MNAT1: variants seen among roughly 807,000 people sequenced by gnomAD.
MNAT1 encodes CDK-activating kinase assembly factor MAT1.
Under a neutral mutation model 42.0 loss-of-function variants are expected in MNAT1, and 43 were observed. The ratio of observed to expected loss-of-function variants is 1.02; its 90% CI spans 0.80 to 1.32. The LOEUF is 1.32. MNAT1 is among the 40% of genes most tolerant of loss of function. MNAT1 has a pLI of 0.00. For synonymous variants in MNAT1, 118 were observed against 120.0 expected (o/e 0.98, Z 0.11); for missense variants, 306 against 350.4 (o/e 0.87, Z 1.01).
intron 6 of MNAT1, among the ~76,000 whole-genome samples, chr14:60,851,798 G>A (rs1054643397): frequency 2.0e-5 from 3 of 152,088 alleles, no homozygotes; most frequent in South Asian, 2.1e-4. Flanking sequence ...GAGAACATGC[G>A]GTGATTGGTT....
chr14:60,851,166 T>G (rs1470067394), intron 6 of MNAT1, among the ~76,000 whole-genome samples: 1 of 152,162 alleles, frequency 6.6e-6, no homozygotes, highest in Non-Finnish European at 1.5e-5. Context: ...TAAACAAGAA[T>G]GTAAAGTAAG....
intron 1 of MNAT1, among the ~76,000 whole-genome samples, chr14:60,736,535 G>A (rs1015493651): frequency 6.6e-6 from 1 of 152,138 alleles, no homozygotes; most frequent in African/African-American, 2.4e-5. Flanking sequence ...TTCTGGTGTT[G>A]CATTTAATGT....
Position 60,893,033 on chromosome 14 carries a change from A to AT in MNAT1, c.809+13205dup, listed in dbSNP as rs559560533. On this transcript the variant is annotated intron_variant, in intron 7 of 7. Transcript: ENST00000261245. ...AGTAATAATACTGGCTTTTAGACTA[A>AT]TTTTTTTAAAAAAGATATTAGTCTC... Among the ~76,000 whole-genome samples the AT allele has an allele frequency of 5.4e-4, 82 of 152,144 alleles. 3 individuals are homozygous for AT. In the South Asian group the frequency reaches 0.017, roughly 31 times the overall value.
chr14:60,943,028 GT>G, intron 7 of MNAT1, among the ~76,000 whole-genome samples: 1 of 131,526 alleles, frequency 7.6e-6, no homozygotes, highest in African/African-American at 2.9e-5. Context: ...GTGTGTGTGT[GT>G]GTGTGTGTGT....
At chr14:60,803,083 C>CT (rs1346187094) in intron 3 of MNAT1, among the ~76,000 whole-genome samples, 2 of 151,920 alleles carry the variant, frequency 1.3e-5, no homozygotes, top group Non-Finnish European at 2.9e-5. Context: ...AGGCGCCCAC[C>CT]ACCATGCCTG....
At chr14:60,849,178 A>G (rs2033757481) in intron 6 of MNAT1, among the ~76,000 whole-genome samples, 1 of 152,174 alleles carries the variant, frequency 6.6e-6, no homozygotes, top group African/African-American at 2.4e-5. Flanking sequence ...CACATTTGAG[A>G]ATCACTGACT....
intron 6 of MNAT1, among the ~76,000 whole-genome samples, chr14:60,837,217 C>G (rs929030781): frequency 6.6e-6 from 1 of 152,190 alleles, no homozygotes; most frequent in Non-Finnish European, 1.5e-5. Context: ...AGCCCCCTTT[C>G]CAGGGGAGTG....
intron 6 of MNAT1, among the ~76,000 whole-genome samples, chr14:60,834,658 T>C (rs2033322575): frequency 6.6e-6 from 1 of 152,208 alleles, no homozygotes; most frequent in African/African-American, 2.4e-5. Flanking sequence ...GAGAGTTCTG[T>C]AGATGTCTGT....
At chr14:60,908,384 A>AT (rs1213662835) in intron 7 of MNAT1, among the ~76,000 whole-genome samples, 1 of 151,912 alleles carries the variant, frequency 6.6e-6, no homozygotes, top group Admixed American at 6.6e-5. Flanking sequence ...GGTTTGTTAC[A>AT]TATGTATACA....
intron 7 of MNAT1, among the ~76,000 whole-genome samples, chr14:60,895,768 C>T (rs2034944633): frequency 6.6e-6 from 1 of 151,910 alleles, no homozygotes; most frequent in South Asian, 2.1e-4. Flanking sequence ...TCTGTCTCAA[C>T]AAAACAAAAC....
intron 5 of MNAT1, among the ~76,000 whole-genome samples, chr14:60,813,123 G>T (rs924274588): frequency 1.3e-5 from 2 of 152,170 alleles, no homozygotes; most frequent in African/African-American, 2.4e-5. Flanking sequence ...CCTCACCTGG[G>T]CACTGCCATG....
At chr14:60,891,922 G>A (rs2139487997) in intron 7 of MNAT1, among the ~76,000 whole-genome samples, 1 of 152,002 alleles carries the variant, frequency 6.6e-6, no homozygotes, top group East Asian at 1.9e-4. Flanking sequence ...ATTTAATAGT[G>A]TATTGTACGA....
chr14:60,762,843 G>T (rs1003351196), intron 1 of MNAT1, among the ~76,000 whole-genome samples: 2 of 151,534 alleles, frequency 1.3e-5, no homozygotes, highest in Non-Finnish European at 2.9e-5. Context: ...CTACCACTTG[G>T]CCGGAAATTT....
intron 6 of MNAT1, among the ~76,000 whole-genome samples, chr14:60,850,826 A>G (rs1455146711): frequency 2.0e-5 from 3 of 152,208 alleles, no homozygotes; most frequent in African/African-American, 4.8e-5. Context: ...CTGGCTCCAA[A>G]TATAAGATAA....
At chr14:60,753,339 A>G (rs1053260343) in intron 1 of MNAT1, among the ~76,000 whole-genome samples, 5 of 152,200 alleles carry the variant, frequency 3.3e-5, no homozygotes, top group Non-Finnish European at 7.3e-5. Context: ...TCAAAAAACA[A>G]AACAAATAAG....
chr14:60,915,322 C>T (rs1594868524), intron 7 of MNAT1, among the ~76,000 whole-genome samples: 1 of 152,268 alleles, frequency 6.6e-6, no homozygotes, highest in South Asian at 2.1e-4. Context: ...GCCCTATTAT[C>T]TCTTAATGCA....
chr14:60,780,422 T>C, intron 1 of MNAT1: 1 of 1,563,888 alleles, frequency 6.4e-7, no homozygotes, highest in East Asian at 2.2e-5. Flanking sequence ...GGAAGTTTCT[T>C]GTTCATTTGA....
chr14:60,938,415 T>G (rs1459836259), intron 7 of MNAT1, among the ~76,000 whole-genome samples: 1 of 152,188 alleles, frequency 6.6e-6, no homozygotes, highest in Non-Finnish European at 1.5e-5. Flanking sequence ...ATAACTAATT[T>G]ATTGAGAGTT....
intron 7 of MNAT1, among the ~76,000 whole-genome samples, chr14:60,936,996 A>G (rs1011640704): frequency 2.6e-5 from 4 of 151,216 alleles, no homozygotes; most frequent in Non-Finnish European, 4.4e-5. Context: ...GCATTTTTTC[A>G]TGTGTTTTTT....
Sources: gnomAD v4.1 joint callset for allele counts (sites outside exome capture counted in the v4.1 genomes callset) on GRCh38, gnomAD v4.1.1 for gene constraint, MANE v1.5 for transcripts, NCBI Gene and HGNC (gene_info 2026-07-23, HGNC 2026-07-21) for gene names.